ABI1: variants seen among roughly 807,000 people sequenced by gnomAD.
ABI1 encodes the protein Abelson interactor 1.
Under a neutral mutation model 54.6 loss-of-function variants are expected in ABI1, and 14 were observed. The observed-to-expected ratio is 0.26, with a 90% CI of 0.17 to 0.40. The LOEUF is 0.40. Ranked by LOEUF, ABI1 falls within the 10% of genes least tolerant of loss-of-function variation. The pLI, the probability that ABI1 is intolerant of heterozygous loss-of-function variation, is 1.00. For missense variants in ABI1, 443 were observed against 598.3 expected (o/e 0.74, Z 2.71); for synonymous variants, 194 against 209.3 (o/e 0.93, Z 0.63).
chr10:26,766,657 A>G, intron 6 of ABI1, among the ~76,000 whole-genome samples: 1 of 152,228 alleles, frequency 6.6e-6, no homozygotes, highest in East Asian at 1.9e-4. Flanking sequence ...ACTGCATCAT[A>G]GACATATGAA....
intron 1 of ABI1, chr10:26,839,822 G>T (rs941996798): frequency 7.2e-6 from 5 of 698,822 alleles, no homozygotes; most frequent in African/African-American, 7.0e-5. Context: ...TTTAAAGTTT[G>T]CACTTTAAAG....
rs1258934494 is a variant in ABI1, at chr10:26,769,001, G to A, written c.579-9C>T. The A allele has an allele frequency of 6.4e-7, 1 of 1,566,184 alleles. No homozygotes were observed. Among genetic ancestry groups the A allele is most frequent in the Non-Finnish European group, 8.6e-7 (1 of 1,159,560 alleles). ...TATAAGGAGTATTCCGTCTAAAGGA[G>A]CATAGTGGAGAAAGGAATAATGAAT... On this transcript the variant is annotated splice_polypyrimidine_tract_variant and intron_variant, in intron 5 of 10. Transcript: ENST00000376140.
chr10:26,798,794 T>C (rs898671481), intron 2 of ABI1, among the ~76,000 whole-genome samples: 1 of 151,680 alleles, frequency 6.6e-6, no homozygotes, highest in African/African-American at 2.4e-5. Context: ...ACAGGGAATA[T>C]ACCTTCAGCT....
In ABI1 at chr10:26,814,949, T is replaced by C. The variant is rs951291269; in HGVS notation, c.285+8189A>G. Among the ~76,000 whole-genome samples the C allele has an allele frequency of 3.9e-5, 6 of 152,286 alleles. No homozygotes were observed. The South Asian group carries it at 1.2e-3, about 32-fold the overall frequency. On this transcript the variant is annotated intron_variant, in intron 2 of 10. Transcript: ENST00000376140. ...ACTGAAAACTCAAACAAGCTCTGAA[T>C]TCTAAATTTTGAGATTATGTCCTAA...
intron 2 of ABI1, among the ~76,000 whole-genome samples, chr10:26,804,100 C>G (rs1179642534): frequency 6.6e-6 from 1 of 151,940 alleles, no homozygotes; most frequent in African/African-American, 2.4e-5. Context: ...TACAATAGAT[C>G]GGCTGGGTGT....
chr10:26,805,396 A>G (rs1418627291), intron 2 of ABI1, among the ~76,000 whole-genome samples: 1 of 151,568 alleles, frequency 6.6e-6, no homozygotes, highest in African/African-American at 2.4e-5. Context: ...AAGCTCAAGG[A>G]CAGTTCCAAA....
Position 26,748,450 on chromosome 10 carries a change from A to C in ABI1, c.*120T>G, listed in dbSNP as rs1341790518. On this transcript the variant is annotated 3_prime_UTR_variant, in exon 11 of 11. Coordinates refer to ENST00000376140, the MANE Select transcript of ABI1 (RefSeq NM_001012750.3). Reference sequence around the variant, plus strand: ...ACAGGTAGACATTCAATTTACCAATAAAACAGCATGTTCTGAAAATATGGG... The same window carrying C: ...ACAGGTAGACATTCAATTTACCAATCAAACAGCATGTTCTGAAAATATGGG... 3 of 744,532 alleles carry C rather than the reference A, an allele frequency of 4.0e-6. No homozygotes were observed. Among genetic ancestry groups the C allele is most frequent in the African/African-American group, 1.8e-5 (1 of 56,954 alleles). 46.1% of individuals were successfully genotyped at this position (744,532 alleles called of 1,614,324 possible).
At chr10:26,773,228 T>TTTTTTTTTTTTTTTTTTTTGGGGG (rs1588830810) in intron 3 of ABI1, among the ~76,000 whole-genome samples, 1 of 148,084 alleles carries the variant, frequency 6.8e-6, no homozygotes, top group Non-Finnish European at 1.5e-5. Flanking sequence ...TTTTTTTTTT[T>TTTTTTTTTTTTTTTTTTTTGGGGG]GCTGGCTCTG....
intron 2 of ABI1, among the ~76,000 whole-genome samples, chr10:26,790,004 A>G (rs1327004906): frequency 6.6e-6 from 1 of 152,202 alleles, no homozygotes. Context: ...GTGTATACGT[A>G]CCACACATTT....
chr10:26,848,609 T>C (rs1445678426), intron 1 of ABI1, among the ~76,000 whole-genome samples: 5 of 83,850 alleles, frequency 6.0e-5, no homozygotes, highest in African/African-American at 3.2e-4. Context: ...AAGAGGCTTT[T>C]TTTTTTTTTT....
At position 26,830,960 on chromosome 10, in the gene ABI1, G is replaced by A. The variant is rs377261054; in HGVS notation, c.118-7655C>T. 5.3e-5 allele frequency among the ~76,000 whole-genome samples: 8 copies of A among 152,096 alleles called. No individual in the cohort carries two copies. In the South Asian group the frequency reaches 1.0e-3, roughly 20 times the overall value. ...ACCCAAGGCTGGAATGCAGTGGCAC[G>A]ATCATAGTTCACTGCAGCCTTGATC... On this transcript the variant is annotated intron_variant, in intron 1 of 10. Coordinates refer to ENST00000376140, the MANE Select transcript of ABI1 (RefSeq NM_001012750.3).
intron 2 of ABI1, among the ~76,000 whole-genome samples, chr10:26,803,656 G>C (rs1588925296): frequency 6.6e-6 from 1 of 152,148 alleles, no homozygotes. Context: ...ATTGATAATT[G>C]AAATTTTACA....
At chr10:26,763,918 G>A (rs1427968586) in intron 7 of ABI1, 5 of 1,613,290 alleles carry the variant, frequency 3.1e-6, no homozygotes, top group Middle Eastern at 1.7e-4. Context: ...TGCCAGAGGT[G>A]GTGCTGGTGG....
chr10:26,829,739 C>T (rs1470775000), intron 1 of ABI1, among the ~76,000 whole-genome samples: 1 of 152,004 alleles, frequency 6.6e-6, no homozygotes, highest in African/African-American at 2.4e-5. Context: ...GACTTCATAA[C>T]AATATTAAAA....
intron 3 of ABI1, among the ~76,000 whole-genome samples, chr10:26,775,782 TA>T (rs1841332061): frequency 6.6e-6 from 1 of 152,192 alleles, no homozygotes; most frequent in African/African-American, 2.4e-5. Context: ...AAATTTTTAA[TA>T]AATATGTATT....
intron 1 of ABI1, among the ~76,000 whole-genome samples, chr10:26,843,485 A>AATATATATATAT (rs779960397): frequency 5.9e-4 from 20 of 34,154 alleles, no homozygotes; most frequent in African/African-American, 2.2e-3. Flanking sequence ...AAAAAAAAAA[A>AATATATATATAT]ATATATATAT....
At chr10:26,857,504 G>A (rs1370936552) in intron 1 of ABI1, among the ~76,000 whole-genome samples, 1 of 151,670 alleles carries the variant, frequency 6.6e-6, no homozygotes, top group Non-Finnish European at 1.5e-5. Flanking sequence ...TTAGCTGGGA[G>A]TGGTGGTGCG....
Position 26,860,881 on chromosome 10 carries a change from C to T in ABI1, c.-18G>A, listed in dbSNP as rs918658238. 1.2e-6 allele frequency: 2 copies of T among 1,606,634 alleles called. No homozygotes were observed. The highest frequency in any genetic ancestry group is 8.5e-7 in the Non-Finnish European group (1 of 1,173,394). On this transcript the variant is annotated 5_prime_UTR_variant, in exon 1 of 11. Transcript: ENST00000376140. The surrounding 1 kb of genome is among the most constrained non-coding windows in gnomAD (Gnocchi z 4.1). The stretch of plus-strand genomic sequence containing the variant: ...TCTGCCATTTTCCACCCCTCTGCAT[C>T]GCTTCCTCTCGCGTTAAAGAGACAG...
At chr10:26,823,782 T>C (rs1178959661) in intron 1 of ABI1, among the ~76,000 whole-genome samples, 1 of 152,136 alleles carries the variant, frequency 6.6e-6, no homozygotes, top group Middle Eastern at 3.2e-3. Context: ...CAAAAACTAC[T>C]GTGAATCTTA....
Sources: allele counts gnomAD v4.1 joint callset (sites outside exome capture counted in the v4.1 genomes callset), GRCh38; gene constraint gnomAD v4.1.1; non-coding constraint Gnocchi (gnomAD v3.1); transcripts MANE v1.5; gene names NCBI Gene and HGNC (gene_info 2026-07-23, HGNC 2026-07-21).